The following FUT9 variants were observed in gnomAD, a reference collection of about 807,000 sequenced individuals.
The protein encoded by FUT9 is 4-galactosyl-N-acetylglucosaminide 3-alpha-L-fucosyltransferase 9.
In FUT9, 15 loss-of-function variants were observed where a neutral mutation model predicts 29.7. The ratio of observed to expected loss-of-function variants is 0.51; its 90% CI spans 0.34 to 0.78. The LOEUF (loss-of-function observed/expected upper bound fraction) is 0.78. Among genes scored for constraint, FUT9 ranks in the 30% least tolerant of loss-of-function variants. The pLI, the probability that FUT9 is intolerant of heterozygous loss-of-function variation, is 0.01. For missense variants in FUT9, 319 were observed against 425.4 expected, an observed-to-expected ratio of 0.75 and a Z score of 2.20; for synonymous variants, 169 against 153.7, an observed-to-expected ratio of 1.10 and a Z score of -0.74.
chr6:96,109,372 T>C (rs773729750), intron 1 of FUT9, among the ~76,000 whole-genome samples: 1 of 152,220 alleles, frequency 6.6e-6, no homozygotes, highest in Non-Finnish European at 1.5e-5. Context: ...CTAACTTTAA[T>C]TCAACAGCAA....
At chr6:96,199,512 G>C (rs1424634301) in intron 2 of FUT9, among the ~76,000 whole-genome samples, 1 of 152,020 alleles carries the variant, frequency 6.6e-6, no homozygotes, top group African/African-American at 2.4e-5. Context: ...TAGAAGAAAC[G>C]TCGTTTCTGT....
intron 2 of FUT9, among the ~76,000 whole-genome samples, chr6:96,130,678 A>T (rs1190879225): frequency 6.6e-6 from 1 of 152,170 alleles, no homozygotes; most frequent in African/African-American, 2.4e-5. Context: ...TCCTCCTTCA[A>T]GATAATACAG....
At chr6:96,027,631 C>A (rs1770190138) in intron 1 of FUT9, among the ~76,000 whole-genome samples, 1 of 151,508 alleles carries the variant, frequency 6.6e-6, no homozygotes, top group African/African-American at 2.4e-5. Context: ...TACTCATATT[C>A]TAAAAACAAC....
chr6:96,029,417 G>A (rs9377313), intron 1 of FUT9, among the ~76,000 whole-genome samples: 24,559 of 151,314 alleles, frequency 0.16, 2,670 homozygotes, highest in Admixed American at 0.31. Flanking sequence ...GTAAGGGATT[G>A]GCTGCCACTT....
intron 1 of FUT9, among the ~76,000 whole-genome samples, chr6:96,103,778 G>A (rs74775396): frequency 0.032 from 4,829 of 151,966 alleles, 90 homozygotes; most frequent in East Asian, 0.079. Context: ...CTTTATTGAC[G>A]TATATTTGAT....
At chr6:96,045,378 C>T (rs908378303) in intron 1 of FUT9, among the ~76,000 whole-genome samples, 11 of 152,220 alleles carry the variant, frequency 7.2e-5, no homozygotes, top group Non-Finnish European at 1.3e-4. Context: ...TTTGGCCAGA[C>T]TGTCATATGC....
In FUT9 at chr6:96,100,920, T is replaced by C. The variant is rs575972041; in HGVS notation, c.-97-13119T>C. Among the ~76,000 whole-genome samples, 5 of 152,252 alleles carry C rather than the reference T, an allele frequency of 3.3e-5. No homozygotes were observed. The South Asian group carries it at 1.0e-3, about 32-fold the overall frequency. On this transcript the variant is annotated intron_variant, in intron 1 of 2. Transcript: ENST00000302103. ...GGGAAAGATACATTAAAAGTTAGAATTAGGACTTAGTGTTTGAATGAAAAT... is the reference window on the plus strand; with the variant it reads ...GGGAAAGATACATTAAAAGTTAGAACTAGGACTTAGTGTTTGAATGAAAAT...
At chr6:96,164,417 C>A (rs1772975690) in intron 2 of FUT9, among the ~76,000 whole-genome samples, 2 of 151,994 alleles carry the variant, frequency 1.3e-5, no homozygotes, top group Admixed American at 1.3e-4. Context: ...TGCCACCGCT[C>A]CCGGCTAATT....
At chr6:96,147,310 G>A (rs1430259503) in intron 2 of FUT9, among the ~76,000 whole-genome samples, 3 of 151,904 alleles carry the variant, frequency 2.0e-5, no homozygotes, top group Non-Finnish European at 1.5e-5. Flanking sequence ...ACAGGTGCAC[G>A]CCACCATACC....
chr6:96,193,891 A>G (rs1018446371), intron 2 of FUT9, among the ~76,000 whole-genome samples: 3 of 152,324 alleles, frequency 2.0e-5, no homozygotes, highest in Non-Finnish European at 4.4e-5. Flanking sequence ...GGATGAGTTC[A>G]TGTCCTTTGT....
Position 96,205,091 on chromosome 6 carries a change from G to A in FUT9, c.*856G>A, listed in dbSNP as rs1773803306. On this transcript the variant is annotated 3_prime_UTR_variant, in exon 3 of 3. Transcript: ENST00000302103. ...ACCTATAAATATATTTATAAATGGT[G>A]TCATTTATGAACAATGTTTAATTAT... is the stretch of plus-strand genomic sequence containing the variant. 6.0e-6 allele frequency: 1 copy of A among 166,688 alleles called. No individual in the cohort carries two copies. Among genetic ancestry groups the A allele is most frequent in the Non-Finnish European group, 1.5e-5 (1 of 68,016 alleles). 10.3% of individuals were successfully genotyped at this position (166,688 alleles called of 1,614,324 possible).
Position 96,204,337 on chromosome 6 carries a change from AT to A in FUT9, c.*107del. On this transcript the variant is annotated 3_prime_UTR_variant, in exon 3 of 3. Transcript: ENST00000302103. Reference sequence around the variant, plus strand: ...ACATACTACTTTTGTGTCACAATTTATTTTTATCACCCTCTCTAGGGTAACG... The same window carrying A: ...ACATACTACTTTTGTGTCACAATTTATTTTATCACCCTCTCTAGGGTAACG... 1 of 799,464 alleles carries A rather than the reference AT, an allele frequency of 1.3e-6. No homozygotes were observed. The highest frequency in any genetic ancestry group is 1.8e-6 in the Non-Finnish European group (1 of 541,214). The allele number at this position is 799,464 out of a possible 1,614,324, so 49.5% of individuals were successfully genotyped here.
In FUT9 at chr6:96,155,332, A is replaced by C. The variant is rs1772760112; in HGVS notation, c.-9+41205A>C. Among the ~76,000 whole-genome samples the C allele has an allele frequency of 1.3e-5, 2 of 152,118 alleles. 1 individual carries two copies. The highest frequency in any genetic ancestry group is 4.1e-4 in the South Asian group (2 of 4,830). On this transcript the variant is annotated intron_variant, in intron 2 of 2. Coordinates refer to ENST00000302103, the MANE Select transcript of FUT9 (RefSeq NM_006581.4). ...TGGTCTGAAATGTGTTCTCAAATTC[A>C]TGTCGAAGTCCCAATCTCCAGTATG... is the stretch of plus-strand genomic sequence containing the variant.
At chr6:96,026,848 T>C (rs1185846941) in intron 1 of FUT9, among the ~76,000 whole-genome samples, 1 of 151,680 alleles carries the variant, frequency 6.6e-6, no homozygotes, top group African/African-American at 2.4e-5. Flanking sequence ...TTTCCCTGAC[T>C]GGATTACTCT....
chr6:96,039,045 A>C (rs557572000), intron 1 of FUT9, among the ~76,000 whole-genome samples: 1 of 152,270 alleles, frequency 6.6e-6, no homozygotes, highest in East Asian at 1.9e-4. Context: ...TATTATTCTG[A>C]AATTATGTTA....
chr6:96,208,324 T>A lies in FUT9; in HGVS notation c.*4089T>A. On this transcript the variant is annotated 3_prime_UTR_variant, in exon 3 of 3. Transcript: ENST00000302103. ...CCACAAATTTCAGGTCCTTACCTTA[T>A]GACTGTGTTTGATCATATCTTTGAG... The A allele has an allele frequency of 6.0e-6, 1 of 166,812 alleles. No homozygotes were observed. The highest frequency in any genetic ancestry group is 1.5e-5 in the Non-Finnish European group (1 of 67,984). 10.3% of individuals were successfully genotyped at this position (166,812 alleles called of 1,614,324 possible).
At position 96,212,960 on chromosome 6, in the gene FUT9, T is replaced by TCTGTAAAAGGAGTGTGATGGA. The variant is rs1260797925; in HGVS notation, c.*8731_*8751dup. 6.0e-6 allele frequency: 1 copy of TCTGTAAAAGGAGTGTGATGGA among 166,932 alleles called. No homozygotes were observed. The highest frequency in any genetic ancestry group is 1.5e-5 in the Non-Finnish European group (1 of 68,030). The allele number at this position is 166,932 out of a possible 1,614,324, so 10.3% of individuals were successfully genotyped here. On this transcript the variant is annotated 3_prime_UTR_variant, in exon 3 of 3. Transcript: ENST00000302103. Reference sequence around the variant, plus strand: ...ACATTTCTGAGCCATAGATTTTTAATCTGTAAAAGGAGTGTGATGGACTGT... The same window carrying TCTGTAAAAGGAGTGTGATGGA: ...ACATTTCTGAGCCATAGATTTTTAATCTGTAAAAGGAGTGTGATGGACTGTAAAAGGAGTGTGATGGACTGT...
chr6:96,169,266 G>A (rs902463247), intron 2 of FUT9, among the ~76,000 whole-genome samples: 4 of 152,138 alleles, frequency 2.6e-5, no homozygotes, highest in African/African-American at 9.7e-5. Flanking sequence ...AAAGTAAGCT[G>A]GGCTGATGAT....
intron 2 of FUT9, among the ~76,000 whole-genome samples, chr6:96,116,306 G>A (rs776846133): frequency 8.5e-5 from 13 of 152,104 alleles, no homozygotes; most frequent in Non-Finnish European, 1.8e-4. Context: ...GAGCCACAGA[G>A]ACTGTCATTC....
Sources: gnomAD v4.1 joint callset for allele counts (sites outside exome capture counted in the v4.1 genomes callset) on GRCh38, gnomAD v4.1.1 for gene constraint, MANE v1.5 for transcripts, NCBI Gene and HGNC (gene_info 2026-07-23, HGNC 2026-07-21) for gene names.